The following LRRIQ1 variants were observed in gnomAD, a reference collection of about 807,000 sequenced individuals.
The protein encoded by LRRIQ1 is leucine rich repeats and IQ motif containing 1.
Under a neutral mutation model 211.9 loss-of-function variants are expected in LRRIQ1, and 210 were observed. The observed-to-expected ratio is 0.99, with a 90% CI of 0.89 to 1.11. The LOEUF (loss-of-function observed/expected upper bound fraction) is 1.11. Ranked by LOEUF, LRRIQ1 falls within the 50% of genes most tolerant of loss-of-function variation. The pLI is 0.00. For missense variants in LRRIQ1, 2,136 were observed against 1,939.5 expected (o/e 1.10, Z -1.90); for synonymous variants, 699 against 650.1 (o/e 1.08, Z -1.14).
chr12:85,239,472 G>A (rs563520236), intron 26 of LRRIQ1, among the ~76,000 whole-genome samples: 3 of 150,872 alleles, frequency 2.0e-5, no homozygotes, highest in Non-Finnish European at 4.4e-5. Flanking sequence ...GAAAGTATAG[G>A]GAGTCCAGAA....
intron 11 of LRRIQ1, among the ~76,000 whole-genome samples, chr12:85,098,039 A>G (rs1470985537): frequency 6.6e-6 from 1 of 152,162 alleles, no homozygotes; most frequent in African/African-American, 2.4e-5. Context: ...TTAAGAAAAA[A>G]GTCGTTATAT....
chr12:85,092,825 A>C (rs1885527147), intron 11 of LRRIQ1, among the ~76,000 whole-genome samples: 1 of 152,182 alleles, frequency 6.6e-6, no homozygotes, highest in Non-Finnish European at 1.5e-5. Flanking sequence ...TTAGAGACTA[A>C]CCACATCGCT....
chr12:85,121,713 G>A lies in LRRIQ1; in HGVS notation c.3394G>A (p.Val1132Met), dbSNP rs773711561. ...TTTCAATAGGGATTCTCTACTTAAA[G>A]TGTTGCCTGCTCTGAGAATCCTCAA... ...ETNWRDSLLK[V>M]LPALRILNGN... The change falls in exon 16 of 27, where the codon GTG (valine) becomes ATG (methionine). Residue 1132 changes from valine to methionine, a missense_variant. By Grantham distance (21) the Val-to-Met change is conservative. Coordinates refer to ENST00000393217, the MANE Select transcript of LRRIQ1 (RefSeq NM_001079910.2). The A allele has an allele frequency of 2.5e-6, 4 of 1,583,736 alleles. No individual in the cohort carries two copies. Among genetic ancestry groups the A allele is most frequent in the Non-Finnish European group, 3.4e-6 (4 of 1,167,184 alleles).
chr12:85,083,493 G>C (rs1884504470), intron 11 of LRRIQ1, among the ~76,000 whole-genome samples: 1 of 150,600 alleles, frequency 6.6e-6, no homozygotes, highest in Admixed American at 6.6e-5. Context: ...AGGCTGGAGT[G>C]CAGTGGCCTG....
intron 1 of LRRIQ1, among the ~76,000 whole-genome samples, chr12:85,258,823 G>C (rs1453517119): frequency 1.3e-5 from 2 of 151,820 alleles, no homozygotes; most frequent in Non-Finnish European, 2.9e-5. Context: ...ATAATGTTGG[G>C]TATATCAATG....
chr12:85,057,479 A>G (rs1881261867), intron 8 of LRRIQ1, among the ~76,000 whole-genome samples: 1 of 152,042 alleles, frequency 6.6e-6, no homozygotes, highest in South Asian at 2.1e-4. Flanking sequence ...GGAAGCATAT[A>G]GAAAGTTAGG....
At chr12:85,233,777 T>TA (rs376139759) in intron 26 of LRRIQ1, among the ~76,000 whole-genome samples, 1 of 152,158 alleles carries the variant, frequency 6.6e-6, no homozygotes, top group Non-Finnish European at 1.5e-5. Flanking sequence ...GAGACCTCTC[T>TA]AAGAAAGTGG....
chr12:85,221,947 G>A (rs926308764), intron 24 of LRRIQ1, among the ~76,000 whole-genome samples: 8 of 152,152 alleles, frequency 5.3e-5, no homozygotes, highest in Admixed American at 1.3e-4. Context: ...GGCTGTTGCA[G>A]TAATTCAGTA....
At chr12:85,181,107 A>G (rs1471790485) in intron 24 of LRRIQ1, among the ~76,000 whole-genome samples, 1 of 152,018 alleles carries the variant, frequency 6.6e-6, no homozygotes, top group East Asian at 1.9e-4. Flanking sequence ...CAGTATATAT[A>G]CTATCCCTTG....
chr12:85,214,712 TA>T (rs1184463332), intron 24 of LRRIQ1, among the ~76,000 whole-genome samples: 1 of 151,966 alleles, frequency 6.6e-6, no homozygotes. Context: ...TCTGCCTACT[TA>T]AAAAAGACCT....
In LRRIQ1 at chr12:85,055,591, A is replaced by C; in HGVS notation, c.798A>C (p.Thr266=). 4 of 1,559,758 alleles carry C rather than the reference A, an allele frequency of 2.6e-6. No homozygotes were observed. The highest frequency in any genetic ancestry group is 3.4e-6 in the Non-Finnish European group (4 of 1,161,548). ...ATTTACAAATGGAAGAAGAAAGAAC[A>C]AGATTTAAAGACCAACAAGAAAAAG... ...NLHLQMEEER[T]RFKDQQEKEK... The change falls in exon 8 of 27, where the codon ACA becomes ACC. Residue 266 remains threonine, a synonymous_variant. Transcript: ENST00000393217.
chr12:85,231,855 C>G (rs1163223144), intron 25 of LRRIQ1, among the ~76,000 whole-genome samples: 1 of 152,088 alleles, frequency 6.6e-6, no homozygotes, highest in Non-Finnish European at 1.5e-5. Flanking sequence ...CCCAACGTTG[C>G]TACATTGGGG....
intron 24 of LRRIQ1, among the ~76,000 whole-genome samples, chr12:85,204,231 C>G (rs966173061): frequency 6.6e-6 from 1 of 152,192 alleles, no homozygotes; most frequent in Non-Finnish European, 1.5e-5. Flanking sequence ...GTTCAGGAAC[C>G]TCTGCCTAGA....
At chr12:85,159,243 A>G (rs1890727498) in intron 23 of LRRIQ1, among the ~76,000 whole-genome samples, 1 of 152,072 alleles carries the variant, frequency 6.6e-6, no homozygotes, top group Non-Finnish European at 1.5e-5. Flanking sequence ...CAAAGAACTT[A>G]TAAAATATCC....
At chr12:85,140,711 A>C (rs1192818710) in intron 19 of LRRIQ1, among the ~76,000 whole-genome samples, 1 of 151,126 alleles carries the variant, frequency 6.6e-6, no homozygotes, top group South Asian at 2.1e-4. Context: ...ACTAAGTAAG[A>C]TGTTTCCTAT....
intron 24 of LRRIQ1, among the ~76,000 whole-genome samples, chr12:85,180,424 T>C (rs1169179662): frequency 1.3e-5 from 2 of 151,900 alleles, no homozygotes; most frequent in Non-Finnish European, 2.9e-5. Context: ...TCCCACATAT[T>C]TTCCCTAAAG....
chr12:85,152,320 G>A lies in LRRIQ1; in HGVS notation c.4370G>A (p.Arg1457His), dbSNP rs532186985. ...GAATGGCTAGCATTAGATTCCACCC[G>A]CTTCCCTTCACAAACACTGCTTCTT... ...EEEWLALDST[R>H]FPSQTLLLSN... The change falls in exon 20 of 27, where the codon CGC (arginine) becomes CAC (histidine). Residue 1457 changes from arginine (R) to histidine (H), a missense_variant. Physicochemically the swap from Arg to His is conservative, Grantham distance 29. Transcript: ENST00000393217. The A allele has an allele frequency of 1.2e-4, 199 of 1,611,142 alleles. 2 individuals are homozygous for A. In the South Asian group the frequency reaches 1.9e-3, roughly 15 times the overall value.
chr12:85,262,275 C>T (rs531111339), intron 1 of LRRIQ1, among the ~76,000 whole-genome samples: 1 of 152,126 alleles, frequency 6.6e-6, no homozygotes, highest in African/African-American at 2.4e-5. Flanking sequence ...ATCTTACTAC[C>T]ACTTACAACA....
chr12:85,140,924 C>A (rs1322799130), intron 19 of LRRIQ1, among the ~76,000 whole-genome samples: 1 of 151,268 alleles, frequency 6.6e-6, no homozygotes, highest in Non-Finnish European at 1.5e-5. Context: ...ACTAACTTAG[C>A]TATAATGCAT....
Sources: gnomAD v4.1 joint callset for allele counts (sites outside exome capture counted in the v4.1 genomes callset) on GRCh38, gnomAD v4.1.1 for gene constraint, MANE v1.5 for transcripts, NCBI Gene and HGNC (gene_info 2026-07-23, HGNC 2026-07-21) for gene names.